The following ADCY9 variants were observed in gnomAD, a reference collection of about 807,000 sequenced individuals.
ADCY9 encodes the protein adenylate cyclase 9.
Under a neutral mutation model 101.5 loss-of-function variants are expected in ADCY9, and 50 were observed. The ratio of observed to expected loss-of-function variants is 0.49; its 90% CI spans 0.39 to 0.62. The LOEUF (loss-of-function observed/expected upper bound fraction) is 0.62. Among genes scored for constraint, ADCY9 ranks in the 20% least tolerant of loss-of-function variants. The pLI is 0.00. For missense variants in ADCY9, 1,662 were observed against 1,800.4 expected (o/e 0.92, Z 1.39); for synonymous variants, 905 against 769.3 (o/e 1.18, Z -2.92).
chr16:4,039,920 T>C (rs999614193), intron 2 of ADCY9, among the ~76,000 whole-genome samples: 2 of 152,032 alleles, frequency 1.3e-5, no homozygotes, highest in African/African-American at 2.4e-5. Flanking sequence ...ACACCTGTAG[T>C]CCCAGCTACT....
chr16:4,068,394 T>C (rs2056813136), intron 2 of ADCY9, among the ~76,000 whole-genome samples: 3 of 152,152 alleles, frequency 2.0e-5, no homozygotes, highest in African/African-American at 7.2e-5. Context: ...ACACGCGCTA[T>C]ATATAAATTT....
intron 2 of ADCY9, among the ~76,000 whole-genome samples, chr16:4,113,034 G>T (rs536198231): frequency 8.1e-4 from 123 of 152,128 alleles, no homozygotes; most frequent in African/African-American, 2.9e-3. Flanking sequence ...CCAGCTCTCC[G>T]GCAGGTACGT....
At chr16:3,999,352 C>T (rs185086006) in intron 3 of ADCY9, among the ~76,000 whole-genome samples, 49 of 152,344 alleles carry the variant, frequency 3.2e-4, no homozygotes, top group Admixed American at 3.0e-3. Flanking sequence ...GCAGTCTCGA[C>T]TGTATGATCT....
At chr16:3,983,495 C>G in intron 6 of ADCY9, 55 bp from the exon 7 acceptor site, 2 of 1,462,382 alleles carry the variant, frequency 1.4e-6, no homozygotes, top group Non-Finnish European at 1.9e-6. Context: ...CGGCCAGGAG[C>G]GCAGTTCAGA....
At chr16:3,978,049 C>T (rs2056107921) in intron 8 of ADCY9, among the ~76,000 whole-genome samples, 1 of 152,142 alleles carries the variant, frequency 6.6e-6, no homozygotes, top group South Asian at 2.1e-4. Flanking sequence ...CTAAAAATAT[C>T]ACCGATACCA....
chr16:4,025,447 C>CT (rs1486341282), intron 2 of ADCY9, among the ~76,000 whole-genome samples: 1 of 151,726 alleles, frequency 6.6e-6, no homozygotes, highest in Admixed American at 6.6e-5. Context: ...CAAAGCCAGC[C>CT]TGGGTTTGGC....
intron 2 of ADCY9, among the ~76,000 whole-genome samples, chr16:4,082,361 A>C (rs2056908751): frequency 6.6e-6 from 1 of 152,186 alleles, no homozygotes; most frequent in South Asian, 2.1e-4. Context: ...AGGGCAACAG[A>C]ACAGGACCCT....
intron 2 of ADCY9, among the ~76,000 whole-genome samples, chr16:4,084,520 G>C (rs1276267283): frequency 2.0e-5 from 3 of 151,808 alleles, no homozygotes; most frequent in Non-Finnish European, 4.4e-5. Flanking sequence ...GAGGCCAGGA[G>C]ATTGAAACCA....
chr16:4,086,943 A>C (rs1263418720), intron 2 of ADCY9, among the ~76,000 whole-genome samples: 1 of 151,698 alleles, frequency 6.6e-6, no homozygotes, highest in Non-Finnish European at 1.5e-5. Context: ...TACAGGCGTG[A>C]GCCACCACGC....
At chr16:4,007,982 T>C (rs73490529) in intron 2 of ADCY9, among the ~76,000 whole-genome samples, 8,385 of 152,148 alleles carry the variant, frequency 0.055, 411 homozygotes, top group African/African-American at 0.13. Context: ...CTAGACGTCA[T>C]GGCAGCTTCC....
intron 10 of ADCY9, among the ~76,000 whole-genome samples, chr16:3,968,788 G>C (rs985622000): frequency 3.3e-5 from 5 of 151,752 alleles, no homozygotes; most frequent in African/African-American, 1.2e-4. Flanking sequence ...TGCACATTTA[G>C]AATTTCCTTA....
At chr16:4,095,115 G>A (rs2056995195) in intron 2 of ADCY9, among the ~76,000 whole-genome samples, 1 of 149,956 alleles carries the variant, frequency 6.7e-6, no homozygotes, top group African/African-American at 2.5e-5. Flanking sequence ...CGATTCTCCT[G>A]TCTCAGCCTC....
At chr16:4,053,697 C>T (rs1056849512) in intron 2 of ADCY9, among the ~76,000 whole-genome samples, 1 of 149,804 alleles carries the variant, frequency 6.7e-6, no homozygotes, top group Non-Finnish European at 1.5e-5. Context: ...CACGGGGACC[C>T]GATTGCAAAG....
At chr16:4,093,172 C>A (rs745840292) in intron 2 of ADCY9, among the ~76,000 whole-genome samples, 23 of 152,158 alleles carry the variant, frequency 1.5e-4, no homozygotes, top group Non-Finnish European at 2.9e-4. Flanking sequence ...AGAAAATTAT[C>A]TGATTGATTA....
intron 2 of ADCY9, among the ~76,000 whole-genome samples, chr16:4,014,991 G>C (rs1366365861): frequency 1.5e-5 from 2 of 135,094 alleles, no homozygotes; most frequent in African/African-American, 2.8e-5. Flanking sequence ...GCCCAGGCTG[G>C]AGTACAGTGG....
chr16:4,024,550 G>C (rs536118785), intron 2 of ADCY9, among the ~76,000 whole-genome samples: 2 of 152,164 alleles, frequency 1.3e-5, no homozygotes, highest in South Asian at 4.2e-4. Flanking sequence ...TCCCATCCAG[G>C]ATCCCACGCG....
chr16:4,114,273 G>C lies in ADCY9; in HGVS notation c.1170C>G (p.Ile390Met), dbSNP rs146234753. Residue 390 changes from isoleucine to methionine, a missense_variant, in exon 2 of 11, where the codon ATC becomes ATG. Transcript: ENST00000294016. This position sits in a 1 kb window ranked among gnomAD's most constrained non-coding sequence, Gnocchi z 4.3. ...IAFRPFKMQQIEEVSILFADI... is the reference protein window; with the variant it reads ...IAFRPFKMQQMEEVSILFADI... Reference sequence around the variant, plus strand: ...CTGCAAATAAAATACTGACTTCTTCGATCTGCTGCATCTTAAAAGGGCGGA... The same window carrying C: ...CTGCAAATAAAATACTGACTTCTTCCATCTGCTGCATCTTAAAAGGGCGGA... 193 of 1,613,800 alleles carry C rather than the reference G, an allele frequency of 1.2e-4. No homozygotes were observed. Among genetic ancestry groups the C allele is most frequent in the Non-Finnish European group, 1.5e-4 (180 of 1,180,038 alleles).
In ADCY9 at chr16:3,979,279, C is replaced by G. The variant is rs756622742; in HGVS notation, c.2520-4G>C. On this transcript the variant is annotated splice_polypyrimidine_tract_variant and splice_region_variant and intron_variant, in intron 7 of 10. Transcript: ENST00000294016. Reference sequence around the variant, plus strand: ...GTCCTCCAGGAAGAACACCATCCTGCGAGAGGCATGGGGGTTAGCAGGAGC... The same window carrying G: ...GTCCTCCAGGAAGAACACCATCCTGGGAGAGGCATGGGGGTTAGCAGGAGC... 11 of 1,613,326 alleles carry G rather than the reference C, an allele frequency of 6.8e-6. No individual in the cohort carries two copies. Among genetic ancestry groups the G allele is most frequent in the Non-Finnish European group, 8.5e-6 (10 of 1,179,856 alleles).
At position 3,977,477 on chromosome 16, in the gene ADCY9, C is replaced by T. The variant is rs890192216; in HGVS notation, c.2828+5G>A. 13 of 1,556,616 alleles carry T rather than the reference C, an allele frequency of 8.4e-6. No homozygotes were observed. Among genetic ancestry groups the T allele is most frequent in the Middle Eastern group, 1.8e-4 (1 of 5,632 alleles). ...TGGTGCCCGCAAGCAGTGCTGGCCG[C>T]GTACCTGTCTGGGCACAGGGAGACG... is the stretch of plus-strand genomic sequence containing the variant. On this transcript the variant is annotated splice_donor_5th_base_variant and intron_variant, in intron 9 of 10. Transcript: ENST00000294016.
Sources: allele counts gnomAD v4.1 joint callset (sites outside exome capture counted in the v4.1 genomes callset), GRCh38; gene constraint gnomAD v4.1.1; non-coding constraint Gnocchi (gnomAD v3.1); transcripts MANE v1.5; gene names NCBI Gene and HGNC (gene_info 2026-07-23, HGNC 2026-07-21).